Variants in TWIST2 observed in about 807,000 individuals in gnomAD.
The protein encoded by TWIST2 is twist family bHLH transcription factor 2.
A neutral mutation model predicts 11.6 loss-of-function variants in TWIST2; 1 was observed. The observed-to-expected ratio is 0.09, with a 90% CI of 0.03 to 0.41. The LOEUF (loss-of-function observed/expected upper bound fraction) is 0.41. Among genes scored for constraint, TWIST2 ranks in the 10% least tolerant of loss-of-function variants. TWIST2 has a pLI of 0.98. For synonymous variants in TWIST2, 87 were observed against 96.6 expected, an observed-to-expected ratio of 0.90 and a Z score of 0.58; for missense variants, 168 against 226.4, an observed-to-expected ratio of 0.74 and a Z score of 1.66.
At chr2:238,894,319 C>T (rs1227501305) in intron 1 of TWIST2, among the ~76,000 whole-genome samples, 1 of 152,174 alleles carries the variant, frequency 6.6e-6, no homozygotes, top group Non-Finnish European at 1.5e-5. Context: ...GAGATGACTC[C>T]TCCTCTCTAG....
At chr2:238,849,171 G>C (rs1055828985) in intron 1 of TWIST2, among the ~76,000 whole-genome samples, 1 of 152,186 alleles carries the variant, frequency 6.6e-6, no homozygotes, top group Non-Finnish European at 1.5e-5. Flanking sequence ...GCCCGAGCCG[G>C]GTGTTGCCGG....
chr2:238,893,376 C>T (rs1265599857), intron 1 of TWIST2, among the ~76,000 whole-genome samples: 1 of 152,146 alleles, frequency 6.6e-6, no homozygotes, highest in East Asian at 1.9e-4. Context: ...GGCTTATGGT[C>T]AGCGTTGTTT....
rs575726880 is a variant in TWIST2, at chr2:238,883,345, G to A, written c.*36-26497G>A. Among the ~76,000 whole-genome samples the A allele has an allele frequency of 1.2e-3, 176 of 152,290 alleles. 1 individual carries two copies. The South Asian group carries it at 0.032, about 27-fold the overall frequency. On this transcript the variant is annotated intron_variant, in intron 1 of 1. Transcript: ENST00000612363. ...CCCCACAGGGCTGCAGATGGGCTCC[G>A]TTCACCACATTGCTCATTTTAAAAA...
At chr2:238,905,856 CGTGTGT>C (rs1164031880) in intron 1 of TWIST2, among the ~76,000 whole-genome samples, 57,888 of 133,772 alleles carry the variant, frequency 0.43, 11,276 homozygotes, top group African/African-American at 0.56. Context: ...TGTGTGTGTG[CGTGTGT>C]GTGCGTGCGT....
At chr2:238,858,307 G>T (rs995936109) in intron 1 of TWIST2, among the ~76,000 whole-genome samples, 1 of 152,206 alleles carries the variant, frequency 6.6e-6, no homozygotes, top group Non-Finnish European at 1.5e-5. Context: ...CATGATCGGT[G>T]TGACTCTCTA....
At chr2:238,885,655 A>G (rs1377873151) in intron 1 of TWIST2, among the ~76,000 whole-genome samples, 2 of 152,162 alleles carry the variant, frequency 1.3e-5, no homozygotes, top group East Asian at 3.9e-4. Flanking sequence ...GCCACATTAT[A>G]AATGCTTTGG....
chr2:238,891,572 C>T lies in TWIST2; in HGVS notation c.*36-18270C>T, dbSNP rs537221117. Among the ~76,000 whole-genome samples the T allele has an allele frequency of 2.0e-5, 3 of 152,250 alleles. No homozygotes were observed. In the South Asian group the frequency reaches 6.2e-4, roughly 32 times the overall value. Reference sequence around the variant, plus strand: ...AGGACGGTCTGGCAAACGTCCTTCCCCTGGCAGATCTAGGAGGCATGTGAA... The same window carrying T: ...AGGACGGTCTGGCAAACGTCCTTCCTCTGGCAGATCTAGGAGGCATGTGAA... On this transcript the variant is annotated intron_variant, in intron 1 of 1. Coordinates refer to ENST00000612363, the MANE Select transcript of TWIST2 (RefSeq NM_001271893.4).
chr2:238,881,166 TGTTA>T (rs1258146581), intron 1 of TWIST2, among the ~76,000 whole-genome samples: 1 of 113,470 alleles, frequency 8.8e-6, no homozygotes, highest in East Asian at 2.4e-4. Context: ...ATTAGTGTTA[TGTTA>T]GTATTAGTGT....
chr2:238,892,734 G>C (rs62191091), intron 1 of TWIST2, among the ~76,000 whole-genome samples: 113,274 of 151,844 alleles, frequency 0.75, 42,768 homozygotes, highest in Non-Finnish European at 0.8. Context: ...GCCTGCCTCA[G>C]CCTCCCAAAG....
chr2:238,884,159 A>G (rs1003960867), intron 1 of TWIST2, among the ~76,000 whole-genome samples: 3 of 152,182 alleles, frequency 2.0e-5, no homozygotes, highest in Non-Finnish European at 4.4e-5. Context: ...TGGGGCCGGC[A>G]CTTACAAGCC....
At position 238,863,073 on chromosome 2, in the gene TWIST2, A is replaced by T. The variant is rs1692463382; in HGVS notation, c.*35+14340A>T. On this transcript the variant is annotated intron_variant, in intron 1 of 1. Coordinates refer to ENST00000612363, the MANE Select transcript of TWIST2 (RefSeq NM_001271893.4). The surrounding 1 kb of genome is among the most constrained non-coding windows in gnomAD (Gnocchi z 4.7). ...TTTTTAATTTCTAGATTTTCTACAG[A>T]TGCCCTGTATTACTTCTGCAATTTG... is the stretch of plus-strand genomic sequence containing the variant. Among the ~76,000 whole-genome samples, 2 of 151,290 alleles carry T rather than the reference A, an allele frequency of 1.3e-5. No homozygotes were observed. The highest frequency in any genetic ancestry group is 1.3e-4 in the Admixed American group (2 of 15,156).
At chr2:238,849,132 C>A (rs542007610) in intron 1 of TWIST2, among the ~76,000 whole-genome samples, 1 of 152,184 alleles carries the variant, frequency 6.6e-6, no homozygotes, top group Non-Finnish European at 1.5e-5. Flanking sequence ...CCCTTTGCGT[C>A]CGCCGCAGCG....
At chr2:238,879,009 A>T (rs900393004) in intron 1 of TWIST2, among the ~76,000 whole-genome samples, 7 of 152,232 alleles carry the variant, frequency 4.6e-5, no homozygotes, top group African/African-American at 1.7e-4. Context: ...ACCATAGTTT[A>T]AAAAAATTCT....
chr2:238,887,707 C>T (rs1356990568), intron 1 of TWIST2, among the ~76,000 whole-genome samples: 1 of 152,172 alleles, frequency 6.6e-6, no homozygotes, highest in Non-Finnish European at 1.5e-5. Context: ...GTGTGCAGGA[C>T]GTCAGGTCTC....
intron 1 of TWIST2, among the ~76,000 whole-genome samples, chr2:238,908,271 TAC>T (rs1693389910): frequency 1.7e-5 from 2 of 120,152 alleles, no homozygotes; most frequent in Non-Finnish European, 3.4e-5. Context: ...CCATGCACCA[TAC>T]ATACCACACA....
chr2:238,888,317 A>T (rs563156190), intron 1 of TWIST2, among the ~76,000 whole-genome samples: 1 of 151,394 alleles, frequency 6.6e-6, no homozygotes, highest in South Asian at 2.1e-4. Flanking sequence ...CCCTCTACTC[A>T]CTTTCATCCT....
At chr2:238,901,434 C>T (rs1474195140) in intron 1 of TWIST2, among the ~76,000 whole-genome samples, 2 of 152,048 alleles carry the variant, frequency 1.3e-5, no homozygotes, top group African/African-American at 4.8e-5. Context: ...TTTTTTGAAG[C>T]AGACAATTCT....
At chr2:238,870,215 C>A (rs368905836) in intron 1 of TWIST2, among the ~76,000 whole-genome samples, 9 of 37,460 alleles carry the variant, frequency 2.4e-4, no homozygotes, top group South Asian at 1.0e-3. Flanking sequence ...CCACACACCC[C>A]ACACACACAT....
intron 1 of TWIST2, among the ~76,000 whole-genome samples, chr2:238,857,635 G>A (rs1692354821): frequency 6.6e-6 from 1 of 151,642 alleles, no homozygotes; most frequent in South Asian, 2.1e-4. Context: ...TCTTTGAACG[G>A]CAATAAAATA....
Sources: gnomAD v4.1 joint callset for allele counts (sites outside exome capture counted in the v4.1 genomes callset) on GRCh38, gnomAD v4.1.1 for gene constraint, Gnocchi (gnomAD v3.1) non-coding constraint, MANE v1.5 for transcripts, NCBI Gene and HGNC (gene_info 2026-07-23, HGNC 2026-07-21) for gene names.